The following GHR variants were observed in gnomAD, a reference collection of about 807,000 sequenced individuals.
The protein encoded by GHR is GH receptor.
GHR carries 35 observed loss-of-function variants against 67.1 expected under a neutral mutation model. The observed-to-expected ratio is 0.52, with a 90% CI of 0.40 to 0.69. The LOEUF is 0.69. Ranked by LOEUF, GHR falls within the 30% of genes least tolerant of loss-of-function variation. The pLI is 0.00. For missense variants in GHR, 792 were observed against 764.6 expected (o/e 1.04, Z -0.42); for synonymous variants, 272 against 269.1 (o/e 1.01, Z -0.10).
At chr5:42,687,288 T>C (rs886257240) in intron 3 of GHR, among the ~76,000 whole-genome samples, 8 of 152,254 alleles carry the variant, frequency 5.3e-5, no homozygotes, top group Non-Finnish European at 1.5e-5. Flanking sequence ...CAAACTACCA[T>C]TGACTTTCTT....
At chr5:42,613,669 A>G (rs1468300097) in intron 2 of GHR, among the ~76,000 whole-genome samples, 2 of 152,142 alleles carry the variant, frequency 1.3e-5, no homozygotes, top group Non-Finnish European at 2.9e-5. Flanking sequence ...AAACAGATAA[A>G]TGAATGAGTG....
intron 3 of GHR, among the ~76,000 whole-genome samples, chr5:42,655,940 T>A (rs1755233705): frequency 6.6e-6 from 1 of 152,204 alleles, no homozygotes; most frequent in Non-Finnish European, 1.5e-5. Context: ...TTTCTTATTG[T>A]TGATTTGGGC....
chr5:42,664,066 A>G lies in GHR; in HGVS notation c.137-24824A>G, dbSNP rs920442981. The stretch of plus-strand genomic sequence containing the variant: ...ATGAAGGACCTCTTCAAGGAGAACT[A>G]CAAACCACTGCTCAATGAAATAAAA... On this transcript the variant is annotated intron_variant, in intron 3 of 9. Coordinates refer to ENST00000230882, the MANE Select transcript of GHR (RefSeq NM_000163.5). Among the ~76,000 whole-genome samples the G allele has an allele frequency of 1.5e-3, 236 of 152,364 alleles. 1 individual carries two copies. Among genetic ancestry groups the G allele is most frequent in the Non-Finnish European group, 2.7e-3 (186 of 68,032 alleles).
At chr5:42,600,943 T>TTG (rs869224345) in intron 2 of GHR, among the ~76,000 whole-genome samples, 9 of 143,146 alleles carry the variant, frequency 6.3e-5, no homozygotes, top group Non-Finnish European at 1.4e-4. Flanking sequence ...TTTTTTTTTT[T>TTG]GTGACGGAGT....
chr5:42,482,912 C>T (rs1579793747), intron 1 of GHR, among the ~76,000 whole-genome samples: 1 of 152,320 alleles, frequency 6.6e-6, no homozygotes, highest in South Asian at 2.1e-4. Flanking sequence ...CTGGCACACC[C>T]CAGTGAGATG....
intron 3 of GHR, among the ~76,000 whole-genome samples, chr5:42,663,031 C>G (rs1398685813): frequency 6.6e-6 from 1 of 152,026 alleles, no homozygotes; most frequent in Non-Finnish European, 1.5e-5. Context: ...TACACCCTCC[C>G]AAGACTAAAC....
intron 3 of GHR, among the ~76,000 whole-genome samples, chr5:42,655,926 C>T (rs1755233217): frequency 6.6e-6 from 1 of 152,072 alleles, no homozygotes; most frequent in South Asian, 2.1e-4. Context: ...ATTAGCCCAG[C>T]CATTTTCTTA....
At chr5:42,698,370 A>G (rs2111729906) in intron 5 of GHR, among the ~76,000 whole-genome samples, 1 of 152,326 alleles carries the variant, frequency 6.6e-6, no homozygotes, top group East Asian at 1.9e-4. Context: ...ATTAAAAACA[A>G]TTTTATAGTT....
At chr5:42,551,254 A>G (rs957968153) in intron 1 of GHR, among the ~76,000 whole-genome samples, 1 of 152,196 alleles carries the variant, frequency 6.6e-6, no homozygotes, top group African/African-American at 2.4e-5. Flanking sequence ...GGGATTTATC[A>G]TCTTGTGACT....
At position 42,498,636 on chromosome 5, in the gene GHR, A is replaced by G. The variant is rs567000738; in HGVS notation, c.-11-67228A>G. ...AGCATCATGTTTCTAGTTAAAAAGA[A>G]GGTGCAGAGTAAAAGGCAAAAGGCA... On this transcript the variant is annotated intron_variant, in intron 1 of 9. Coordinates refer to ENST00000230882, the MANE Select transcript of GHR (RefSeq NM_000163.5). Among the ~76,000 whole-genome samples the G allele has an allele frequency of 3.2e-4, 48 of 152,334 alleles. No individual in the cohort carries two copies. The Middle Eastern group carries it at 0.01, about 32-fold the overall frequency.
intron 1 of GHR, among the ~76,000 whole-genome samples, chr5:42,547,338 T>A (rs1406974990): frequency 6.6e-6 from 1 of 152,172 alleles, no homozygotes; most frequent in African/African-American, 2.4e-5. Context: ...GGACTGTTGG[T>A]CACACACAGG....
chr5:42,460,942 T>G (rs536668415), intron 1 of GHR, among the ~76,000 whole-genome samples: 1 of 152,256 alleles, frequency 6.6e-6, no homozygotes, highest in East Asian at 1.9e-4. Context: ...TCAAAGAGGA[T>G]CCCATATTCC....
chr5:42,676,660 C>A (rs910921720), intron 3 of GHR, among the ~76,000 whole-genome samples: 2 of 152,098 alleles, frequency 1.3e-5, no homozygotes, highest in Admixed American at 6.5e-5. Flanking sequence ...AGTTCAGTTA[C>A]TTTTAACAAT....
At chr5:42,517,942 C>T (rs1186270202) in intron 1 of GHR, among the ~76,000 whole-genome samples, 1 of 151,950 alleles carries the variant, frequency 6.6e-6, no homozygotes, top group Non-Finnish European at 1.5e-5. Flanking sequence ...ATTCTTTTGA[C>T]CAGTTTAGAA....
At chr5:42,493,676 A>G (rs1318228720) in intron 1 of GHR, among the ~76,000 whole-genome samples, 3 of 152,222 alleles carry the variant, frequency 2.0e-5, no homozygotes, top group Non-Finnish European at 2.9e-5. Flanking sequence ...AATATTTCTA[A>G]AAGTTCAACT....
At chr5:42,583,415 C>T (rs114362188) in intron 2 of GHR, among the ~76,000 whole-genome samples, 1,581 of 152,320 alleles carry the variant, frequency 0.01, 7 homozygotes, top group Non-Finnish European at 0.016. Flanking sequence ...CAAACATCGG[C>T]ATTAATCTAT....
At chr5:42,563,624 CAAAAAAAAA>C (rs1168788232) in intron 1 of GHR, among the ~76,000 whole-genome samples, 5 of 45,094 alleles carry the variant, frequency 1.1e-4, no homozygotes, top group African/African-American at 2.6e-4. Context: ...GACTCCGTCT[CAAAAAAAAA>C]AAAAAAAAAA....
At chr5:42,627,698 TG>T (rs771798246) in intron 2 of GHR, among the ~76,000 whole-genome samples, 3 of 152,240 alleles carry the variant, frequency 2.0e-5, no homozygotes, top group Non-Finnish European at 1.5e-5. Context: ...GCAAGTGCCT[TG>T]GCCCCTTGGC....
At chr5:42,449,081 T>C (rs557942482) in intron 1 of GHR, among the ~76,000 whole-genome samples, 1 of 152,308 alleles carries the variant, frequency 6.6e-6, no homozygotes, top group East Asian at 1.9e-4. Context: ...GCCTCCAGAT[T>C]TGTTCTTTTT....
Sources: gnomAD v4.1 joint callset for allele counts (sites outside exome capture counted in the v4.1 genomes callset) on GRCh38, gnomAD v4.1.1 for gene constraint, MANE v1.5 for transcripts, NCBI Gene and HGNC (gene_info 2026-07-23, HGNC 2026-07-21) for gene names.